Variants in ECD observed in about 807,000 individuals in gnomAD.
The protein encoded by ECD is protein ecdysoneless homolog.
ECD carries 59 observed loss-of-function variants against 77.2 expected under a neutral mutation model. The observed-to-expected ratio is 0.76, with a 90% confidence interval of 0.62 to 0.95. The LOEUF is 0.95. ECD is among the 40% of genes least tolerant of loss of function. The probability of loss-of-function intolerance (pLI) is 0.00; values close to 1 mark genes in which losing one functional copy is unlikely to be tolerated. For synonymous variants in ECD, 233 were observed against 267.4 expected, an observed-to-expected ratio of 0.87 and a Z score of 1.26; for missense variants, 704 against 763.4, an observed-to-expected ratio of 0.92 and a Z score of 0.92.
intron 2 of ECD, among the ~76,000 whole-genome samples, chr10:73,161,241 A>T: frequency 6.6e-6 from 1 of 152,078 alleles, no homozygotes; most frequent in Non-Finnish European, 1.5e-5. Flanking sequence ...AGAGAAATAT[A>T]GAGACCAGAA....
Position 73,139,701 on chromosome 10 carries a change from G to A in ECD, c.1164C>T (p.Thr388=). 1.2e-6 allele frequency: 2 copies of A among 1,608,960 alleles called. No homozygotes were observed. The highest frequency in any genetic ancestry group is 1.7e-6 in the Non-Finnish European group (2 of 1,178,758). ...LAMSPGEEIL[T]LLQTIPFDIE... is the part of the protein sequence containing the mutation. Reference sequence around the variant, plus strand: ...TATCAAATGGTATTGTCTGTAATAAGGTTAAGATTTCTTCACCAGGGCTCA... The same window carrying A: ...TATCAAATGGTATTGTCTGTAATAAAGTTAAGATTTCTTCACCAGGGCTCA... The change falls in exon 10 of 14, where the codon ACC becomes ACT. Residue 388 remains threonine (T), a synonymous_variant. Transcript: ENST00000372979.
intron 12 of ECD, among the ~76,000 whole-genome samples, chr10:73,137,513 C>T (rs12245304): frequency 0.1 from 15,934 of 152,096 alleles, 1,225 homozygotes; most frequent in East Asian, 0.3. Flanking sequence ...CGGTGGCTCA[C>T]GCCTGTAATC....
intron 9 of ECD, 107 bp from the exon 10 acceptor site, chr10:73,139,844 GGA>G: frequency 3.7e-5 from 27 of 725,364 alleles, no homozygotes; most frequent in East Asian, 6.3e-5. Flanking sequence ...TCTAATTTGG[GGA>G]GTGTTTTTTT....
At chr10:73,149,555 A>G (rs972285603) in intron 7 of ECD, among the ~76,000 whole-genome samples, 26 of 152,316 alleles carry the variant, frequency 1.7e-4, no homozygotes, top group African/African-American at 6.0e-4. Context: ...GACATATTCA[A>G]CAGTTTATTA....
At chr10:73,159,212 A>C (rs1843342376) in intron 3 of ECD, among the ~76,000 whole-genome samples, 1 of 152,276 alleles carries the variant, frequency 6.6e-6, no homozygotes, top group South Asian at 2.1e-4. Context: ...GAAAACTAGG[A>C]CAAAATATAA....
intron 9 of ECD, among the ~76,000 whole-genome samples, chr10:73,146,050 C>T (rs1843123900): frequency 2.0e-5 from 3 of 151,080 alleles, no homozygotes; most frequent in Admixed American, 1.3e-4. Flanking sequence ...AAATTTCTTT[C>T]GTTGTTTTTT....
intron 2 of ECD, among the ~76,000 whole-genome samples, chr10:73,162,382 T>C (rs896801215): frequency 1.3e-5 from 2 of 152,202 alleles, no homozygotes; most frequent in Admixed American, 6.5e-5. Flanking sequence ...ACTGACTAGC[T>C]TGGATAACTG....
intron 1 of ECD, among the ~76,000 whole-genome samples, chr10:73,167,163 G>C (rs1843487834): frequency 6.6e-6 from 1 of 152,068 alleles, no homozygotes; most frequent in African/African-American, 2.4e-5. Flanking sequence ...TTCTGTTCCT[G>C]TTTTTATGCC....
chr10:73,142,301 G>C (rs930822248), intron 9 of ECD, among the ~76,000 whole-genome samples: 6 of 151,936 alleles, frequency 3.9e-5, no homozygotes. Context: ...GAGCCACTGT[G>C]CCCGGCCTAT....
At position 73,146,054 on chromosome 10, in the gene ECD, GT is replaced by G. The variant is rs985550390; in HGVS notation, c.1127+221del. Among the ~76,000 whole-genome samples the G allele has an allele frequency of 2.0e-4, 29 of 147,156 alleles. No homozygotes were observed. In the South Asian group the frequency reaches 5.0e-3, roughly 25 times the overall value. On this transcript the variant is annotated intron_variant, in intron 9 of 13. Transcript: ENST00000372979. ...AGGAGGATGCAAAATTTCTTTCGTT[GT>G]TTTTTTTTTCTTTTTTGAGGCAGAG... is the stretch of plus-strand genomic sequence containing the variant.
chr10:73,167,652 T>C (rs571143342), intron 1 of ECD, among the ~76,000 whole-genome samples: 3 of 152,094 alleles, frequency 2.0e-5, no homozygotes, highest in Non-Finnish European at 4.4e-5. Flanking sequence ...ATCCACCCCA[T>C]AACGCCAAAC....
intron 7 of ECD, among the ~76,000 whole-genome samples, chr10:73,150,562 G>T (rs1462894730): frequency 6.6e-6 from 1 of 152,154 alleles, no homozygotes; most frequent in Admixed American, 6.5e-5. Flanking sequence ...CACAGCAAAA[G>T]AAACTACCAT....
chr10:73,152,240 TAA>T (rs1480417997), intron 7 of ECD, 51 bp downstream of exon 7: 8 of 1,590,672 alleles, frequency 5.0e-6, no homozygotes, highest in Non-Finnish European at 6.9e-6. Flanking sequence ...ACTATTCTAT[TAA>T]GAGTCCATTT....
chr10:73,134,787 G>C lies in ECD; in HGVS notation c.1731C>G (p.Asn577Lys). ...QVEPVSQTTD[N>K]NSDEEDSGTG... is the part of the protein sequence containing the mutation. ...TACCAGAATCTTCCTCATCTGAATT[G>C]TTATCGGTAGTCTGGGATACAGGTT... Residue 577 changes from asparagine (N) to lysine (K), a missense_variant, in exon 14 of 14, where the codon AAC becomes AAG. This residue lies in a region of ECD where 142 missense variants were observed against 163.6 expected (regional missense o/e 0.87). Coordinates refer to ENST00000372979, the MANE Select transcript of ECD (RefSeq NM_007265.3). 6.2e-7 allele frequency: 1 copy of C among 1,614,104 alleles called. No individual in the cohort carries two copies. The highest frequency in any genetic ancestry group is 1.3e-5 in the African/African-American group (1 of 75,000).
At position 73,160,573 on chromosome 10, in the gene ECD, C is replaced by G. The variant is rs775175593; in HGVS notation, c.206-22G>C. On this transcript the variant is annotated intron_variant, in intron 2 of 13. Transcript: ENST00000372979. ...CCTCCTAAAAACAAGAGAAAAGCAA[C>G]CATGTAACCAGATAAATTTGTTACT... 5 of 1,527,148 alleles carry G rather than the reference C, an allele frequency of 3.3e-6. No individual in the cohort carries two copies. In the African/African-American group the frequency reaches 5.6e-5, roughly 17 times the overall value. 94.6% of individuals were successfully genotyped at this position (1,527,148 alleles called of 1,614,324 possible). A position where few individuals can be genotyped will look rare whatever the true frequency, so the allele number is the denominator to read the frequency against.
intron 9 of ECD, among the ~76,000 whole-genome samples, chr10:73,140,944 T>G (rs1173729320): frequency 6.6e-6 from 1 of 151,574 alleles, no homozygotes; most frequent in Non-Finnish European, 1.5e-5. Context: ...ATAATATATA[T>G]TTTATATACG....
intron 2 of ECD, 115 bp from the exon 3 acceptor site, chr10:73,160,666 G>C (rs1261418259): frequency 8.4e-6 from 6 of 713,480 alleles, no homozygotes; most frequent in Non-Finnish European, 1.1e-5. Flanking sequence ...AAGTACTGGG[G>C]AGCAGGGGTT....
In ECD at chr10:73,152,426, G is replaced by C. The variant is rs745388514; in HGVS notation, c.784-5C>G. 2 of 1,609,536 alleles carry C rather than the reference G, an allele frequency of 1.2e-6. No homozygotes were observed. The highest frequency in any genetic ancestry group is 3.3e-5 in the Admixed American group (2 of 59,910). ...TAGACATTTAGTGAATGTGACCTGG[G>C]CATCAAGACACAAAATACATGAGTC... On this transcript the variant is annotated splice_polypyrimidine_tract_variant and splice_region_variant and intron_variant, in intron 6 of 13. Coordinates refer to ENST00000372979, the MANE Select transcript of ECD (RefSeq NM_007265.3).
intron 7 of ECD, among the ~76,000 whole-genome samples, chr10:73,150,037 T>C (rs985039409): frequency 3.6e-4 from 55 of 151,952 alleles, no homozygotes; most frequent in Non-Finnish European, 6.0e-4. Flanking sequence ...AAAGTTCATA[T>C]AGAACAAAAA....
Sources: allele counts gnomAD v4.1 joint callset (sites outside exome capture counted in the v4.1 genomes callset), GRCh38; gene constraint gnomAD v4.1.1; regional missense constraint gnomAD v4.1.1; transcripts MANE v1.5; gene names NCBI Gene and HGNC (gene_info 2026-07-23, HGNC 2026-07-21).